The following STK3 variants were observed in gnomAD, a reference collection of about 807,000 sequenced individuals.
The protein encoded by STK3 is serine/threonine kinase 3.
A neutral mutation model predicts 58.0 loss-of-function variants in STK3; 41 were observed. The observed-to-expected ratio is 0.71, with a 90% confidence interval of 0.55 to 0.92. The LOEUF is 0.92. Among genes scored for constraint, STK3 ranks in the 40% least tolerant of loss-of-function variants. The probability of loss-of-function intolerance (pLI) is 0.00; values close to 1 mark genes in which losing one functional copy is unlikely to be tolerated. For missense variants in STK3, 479 were observed against 602.7 expected (o/e 0.79, Z 2.15); for synonymous variants, 170 against 191.0 (o/e 0.89, Z 0.91).
At chr8:98,749,506 A>C in intron 3 of STK3, 116 bp from the exon 4 acceptor site, 1 of 481,736 alleles carries the variant, frequency 2.1e-6, no homozygotes, top group South Asian at 5.8e-5. Context: ...TAAATAAGTA[A>C]ATTTCTATTG....
At chr8:98,456,871 T>C (rs893506221) in intron 10 of STK3, among the ~76,000 whole-genome samples, 1 of 152,228 alleles carries the variant, frequency 6.6e-6, no homozygotes, top group Non-Finnish European at 1.5e-5. Flanking sequence ...CAGCAGATCC[T>C]TTTACTCGCC....
rs115693569 is a variant in STK3, at chr8:98,865,295, T to C, written c.110+18352A>G. 3.2e-3 allele frequency among the ~76,000 whole-genome samples: 488 copies of C among 152,292 alleles called. 2 individuals are homozygous for C. Among genetic ancestry groups the C allele is most frequent in the African/African-American group, 0.011 (461 of 41,548 alleles). On this transcript the variant is annotated intron_variant, in intron 3 of 12. Coordinates refer to the STK3 transcript ENST00000523601. ...GAAACCAGGTTAATTTTGCCAGAGC[T>C]TGTGTTTCTTCCCCTATACCTCTCA...
chr8:98,539,477 CT>C (rs1810051035), intron 9 of STK3, among the ~76,000 whole-genome samples: 1 of 152,062 alleles, frequency 6.6e-6, no homozygotes, highest in Non-Finnish European at 1.5e-5. Context: ...ACACTAATAT[CT>C]AGTATCGTTT....
intron 6 of STK3, among the ~76,000 whole-genome samples, chr8:98,656,300 A>C (rs1485084547): frequency 6.6e-6 from 1 of 151,858 alleles, no homozygotes; most frequent in African/African-American, 2.4e-5. Context: ...ACACATGGAC[A>C]CAGGAAGGGG....
chr8:98,912,895 A>C (rs1839206285), intron 1 of STK3, among the ~76,000 whole-genome samples: 1 of 152,074 alleles, frequency 6.6e-6, no homozygotes, highest in African/African-American at 2.4e-5. Context: ...TTTTTGACAA[A>C]GTCTCACTGG....
chr8:98,525,844 T>C (rs1383638606), intron 10 of STK3, among the ~76,000 whole-genome samples: 2 of 151,942 alleles, frequency 1.3e-5, no homozygotes, highest in Non-Finnish European at 2.9e-5. Context: ...AGTCATGTTG[T>C]CTAAGCAAAA....
chr8:98,584,846 C>A (rs1255040418), intron 7 of STK3, among the ~76,000 whole-genome samples: 8 of 150,556 alleles, frequency 5.3e-5, no homozygotes, highest in Non-Finnish European at 1.2e-4. Context: ...TCTCTGATGG[C>A]CAGTGATGAT....
At chr8:98,682,489 C>T (rs553974603) in intron 6 of STK3, among the ~76,000 whole-genome samples, 2 of 152,214 alleles carry the variant, frequency 1.3e-5, no homozygotes, top group East Asian at 3.9e-4. Flanking sequence ...ACAAAGTCAC[C>T]GCTAATCATT....
rs141962158 is a variant in STK3 at position 98,536,141 on chromosome 8, C to T, written c.1142-9224G>A. 2.8e-3 allele frequency among the ~76,000 whole-genome samples: 428 copies of T among 152,256 alleles called. 8 individuals carry two copies. The highest frequency in any genetic ancestry group is 0.018 in the South Asian group (89 of 4,822). On this transcript the variant is annotated intron_variant, in intron 9 of 10. Coordinates refer to ENST00000419617, the MANE Select transcript of STK3 (RefSeq NM_006281.4). ...CCAATCAGGAGCTTCTAACTGAAGT[C>T]ACATAAGCCACCACCAATGTTGTAG...
intron 6 of STK3, among the ~76,000 whole-genome samples, chr8:98,623,092 A>AG (rs1265669153): frequency 6.6e-6 from 1 of 152,166 alleles, no homozygotes; most frequent in Non-Finnish European, 1.5e-5. Context: ...TACAGAATAG[A>AG]GGTTGAGAGA....
chr8:98,505,174 G>A (rs925858068), intron 10 of STK3, among the ~76,000 whole-genome samples: 1 of 151,924 alleles, frequency 6.6e-6, no homozygotes, highest in African/African-American at 2.4e-5. Context: ...TCTTCCACTT[G>A]ATCGAATAGG....
chr8:98,802,111 ATAGTGAGCTATGAC>A (rs1329786202), intron 1 of STK3, among the ~76,000 whole-genome samples: 1 of 152,202 alleles, frequency 6.6e-6, no homozygotes, highest in Non-Finnish European at 1.5e-5. Flanking sequence ...GTATGAGGTT[ATAGTGAGCTATGAC>A]TGTGCCACTG....
chr8:98,838,899 C>T (rs1835850769), intron 3 of STK3, among the ~76,000 whole-genome samples: 1 of 151,212 alleles, frequency 6.6e-6, no homozygotes, highest in Non-Finnish European at 1.5e-5. Context: ...AGGCCGTTTA[C>T]CTTCCTTGGC....
intron 4 of STK3, among the ~76,000 whole-genome samples, chr8:98,711,242 A>G (rs2131104305): frequency 6.6e-6 from 1 of 152,354 alleles, no homozygotes; most frequent in East Asian, 1.9e-4. Flanking sequence ...CCTCCTCCAA[A>G]GGAACACAGC....
intron 4 of STK3, among the ~76,000 whole-genome samples, chr8:98,721,745 A>G (rs1468839927): frequency 6.6e-6 from 1 of 152,116 alleles, no homozygotes. Context: ...TTAAAACAAT[A>G]AAGTACCAAA....
intron 10 of STK3, among the ~76,000 whole-genome samples, chr8:98,468,801 T>C (rs144875468): frequency 4.6e-5 from 7 of 152,324 alleles, no homozygotes; most frequent in African/African-American, 1.4e-4. Flanking sequence ...GCAACTAATA[T>C]GCAGAAATCA....
At chr8:98,667,353 C>T (rs939293589) in intron 6 of STK3, among the ~76,000 whole-genome samples, 4 of 151,892 alleles carry the variant, frequency 2.6e-5, no homozygotes, top group African/African-American at 9.7e-5. Flanking sequence ...GCAGTGTTGC[C>T]GGGGGAACAA....
At chr8:98,401,665 C>T (rs938482501) in intron 3 of STK3, among the ~76,000 whole-genome samples, 1 of 152,172 alleles carries the variant, frequency 6.6e-6, no homozygotes, top group South Asian at 2.1e-4. Flanking sequence ...TAGTAGACCA[C>T]GTGGGAGATT....
chr8:98,911,159 C>T (rs955039771), intron 1 of STK3, among the ~76,000 whole-genome samples: 2 of 152,168 alleles, frequency 1.3e-5, no homozygotes, highest in Non-Finnish European at 1.5e-5. Flanking sequence ...TGTAAGCAAA[C>T]TCTAGTTCTT....
Sources: allele counts gnomAD v4.1 joint callset (sites outside exome capture counted in the v4.1 genomes callset), GRCh38; gene constraint gnomAD v4.1.1; transcripts MANE v1.5; gene names NCBI Gene and HGNC (gene_info 2026-07-23, HGNC 2026-07-21).